Variants in AFF3 observed in about 807,000 individuals in gnomAD.
AFF3 encodes the protein ALF transcription elongation factor 3.
Under a neutral mutation model 129.7 loss-of-function variants are expected in AFF3, and 32 were observed. That is an observed-to-expected ratio of 0.25 (90% CI 0.19 to 0.33). The LOEUF is 0.33. Ranked by LOEUF, AFF3 falls within the 10% of genes least tolerant of loss-of-function variation. AFF3 has a pLI of 1.00. For missense variants in AFF3, 1,373 were observed against 1,592.0 expected (o/e 0.86, Z 2.34); for synonymous variants, 644 against 635.4 (o/e 1.01, Z -0.20).
intron 4 of AFF3, among the ~76,000 whole-genome samples, chr2:100,068,568 A>C (rs1165091675): frequency 6.6e-6 from 1 of 152,130 alleles, no homozygotes; most frequent in Non-Finnish European, 1.5e-5. Flanking sequence ...AAAGGACTTG[A>C]CTTATTCTGG....
At chr2:99,726,573 A>C (rs1248240574) in intron 11 of AFF3, among the ~76,000 whole-genome samples, 2 of 152,232 alleles carry the variant, frequency 1.3e-5, no homozygotes, top group African/African-American at 2.4e-5. Context: ...TGAGGAGCAC[A>C]TGTTTTATAA....
intron 13 of AFF3, among the ~76,000 whole-genome samples, chr2:99,621,104 A>G (rs901128717): frequency 6.6e-6 from 1 of 152,170 alleles, no homozygotes; most frequent in Non-Finnish European, 1.5e-5. Flanking sequence ...GCCTAACCCG[A>G]ATTTCCAACT....
At chr2:99,575,805 A>G (rs1676936153) in intron 18 of AFF3, among the ~76,000 whole-genome samples, 1 of 152,214 alleles carries the variant, frequency 6.6e-6, no homozygotes, top group South Asian at 2.1e-4. Flanking sequence ...GGAAAATTAT[A>G]CACATTGCTA....
intron 8 of AFF3, among the ~76,000 whole-genome samples, chr2:99,819,669 T>C (rs1052577532): frequency 4.6e-5 from 7 of 152,260 alleles, no homozygotes; most frequent in African/African-American, 1.4e-4. Context: ...CAGTAGCTTT[T>C]TTCCTTGCAA....
At chr2:100,043,942 A>AT (rs1685629057) in intron 4 of AFF3, among the ~76,000 whole-genome samples, 1 of 152,190 alleles carries the variant, frequency 6.6e-6, no homozygotes, top group Non-Finnish European at 1.5e-5. Flanking sequence ...AGCCAAAATT[A>AT]TTTTTTCAGT....
chr2:100,036,134 TAAAA>T (rs59136725), intron 4 of AFF3, among the ~76,000 whole-genome samples: 3,712 of 64,372 alleles, frequency 0.058, 130 homozygotes, highest in Admixed American at 0.091. Flanking sequence ...AATACAGTGC[TAAAA>T]AAAAAAAAAA....
At chr2:99,932,484 C>T (rs1041533431) in intron 7 of AFF3, among the ~76,000 whole-genome samples, 3 of 152,164 alleles carry the variant, frequency 2.0e-5, no homozygotes, top group Non-Finnish European at 4.4e-5. Context: ...GAGAATGTTC[C>T]GCTCCACAGG....
At position 100,133,749 on chromosome 2, in the gene AFF3, G is replaced by A. The variant is rs188634533; in HGVS notation, c.-227-4443C>T. Among the ~76,000 whole-genome samples the A allele has an allele frequency of 3.9e-5, 6 of 152,216 alleles. No homozygotes were observed. The South Asian group carries it at 8.3e-4, about 21-fold the overall frequency. On this transcript the variant is annotated intron_variant, in intron 1 of 24. Coordinates refer to ENST00000672756, the MANE Select transcript of AFF3 (RefSeq NM_001386135.1). ...AGATCGAGACCATCCTGGCTAACAC[G>A]GTGAAAACCTGTCTCTACTAAACAT...
intron 4 of AFF3, among the ~76,000 whole-genome samples, chr2:100,063,489 TA>T (rs968653644): frequency 1.3e-5 from 2 of 151,668 alleles, no homozygotes; most frequent in African/African-American, 4.8e-5. Context: ...ATTATTGAAA[TA>T]AAAAAATTTG....
intron 7 of AFF3, among the ~76,000 whole-genome samples, chr2:99,991,358 G>A (rs1680318789): frequency 6.7e-6 from 1 of 149,338 alleles, no homozygotes; most frequent in African/African-American, 2.4e-5. Flanking sequence ...AAACTCTCTT[G>A]TAATCTGCGC....
intron 13 of AFF3, among the ~76,000 whole-genome samples, chr2:99,611,865 C>T (rs1309989726): frequency 1.3e-5 from 2 of 149,418 alleles, no homozygotes; most frequent in South Asian, 2.2e-4. Flanking sequence ...CCAGCCTGGG[C>T]GACAGAGTGA....
intron 7 of AFF3, among the ~76,000 whole-genome samples, chr2:99,942,927 C>T (rs1558995699): frequency 1.3e-5 from 2 of 152,132 alleles, no homozygotes; most frequent in Non-Finnish European, 2.9e-5. Flanking sequence ...TGCCGTCTCC[C>T]TCCAAGTATA....
intron 8 of AFF3, among the ~76,000 whole-genome samples, chr2:99,767,696 G>A (rs1419335682): frequency 1.3e-5 from 2 of 152,176 alleles, no homozygotes; most frequent in African/African-American, 4.8e-5. Flanking sequence ...GGTGGCTCAC[G>A]CCTGTCATCT....
intron 18 of AFF3, among the ~76,000 whole-genome samples, chr2:99,575,501 T>A (rs889298354): frequency 6.6e-6 from 1 of 150,416 alleles, no homozygotes; most frequent in Non-Finnish European, 1.5e-5. Context: ...CCTCAAGTGA[T>A]CCACCCACCT....
At chr2:100,014,747 T>C (rs1682842035) in intron 4 of AFF3, among the ~76,000 whole-genome samples, 1 of 151,128 alleles carries the variant, frequency 6.6e-6, no homozygotes, top group Non-Finnish European at 1.5e-5. Flanking sequence ...GAGGCGGTTA[T>C]GTTACTCTCT....
intron 7 of AFF3, among the ~76,000 whole-genome samples, chr2:99,892,274 T>C (rs1445854418): frequency 6.6e-6 from 1 of 152,256 alleles, no homozygotes; most frequent in East Asian, 1.9e-4. Flanking sequence ...TTTTATTCAT[T>C]GTTACATTTA....
intron 8 of AFF3, among the ~76,000 whole-genome samples, chr2:99,778,921 T>C (rs894959936): frequency 2.0e-5 from 3 of 147,348 alleles, no homozygotes; most frequent in African/African-American, 7.9e-5. Context: ...TGTGTGTGTG[T>C]GTGTGTGTGT....
chr2:99,891,420 T>C (rs1693542055), intron 7 of AFF3, among the ~76,000 whole-genome samples: 1 of 152,062 alleles, frequency 6.6e-6, no homozygotes, highest in South Asian at 2.1e-4. Flanking sequence ...AGCTTCAAAA[T>C]GCAGAATAAA....
rs143785099 is a variant in AFF3 at position 99,795,268 on chromosome 2, T to C, written c.921+42209A>G. Among the ~76,000 whole-genome samples the C allele has an allele frequency of 8.3e-4, 127 of 152,268 alleles. 5 individuals carry two copies. In the East Asian group the frequency reaches 0.015, roughly 18 times the overall value. ...ACATCCCTGGCTGCACTGGAGGCCA[T>C]TATCTTAAGTGAAACAATACAGAAA... On this transcript the variant is annotated intron_variant, in intron 8 of 24. Transcript: ENST00000672756.
Sources: allele counts gnomAD v4.1 joint callset (sites outside exome capture counted in the v4.1 genomes callset), GRCh38; gene constraint gnomAD v4.1.1; transcripts MANE v1.5; gene names NCBI Gene and HGNC (gene_info 2026-07-23, HGNC 2026-07-21).